MILR1: variants seen among roughly 807,000 people sequenced by gnomAD.
The protein encoded by MILR1 is mast cell immunoglobulin like receptor 1.
MILR1 carries 31 observed loss-of-function variants against 18.5 expected under a neutral mutation model. The ratio of observed to expected loss-of-function variants is 1.68; its 90% CI spans 1.26 to 2.26. The LOEUF (loss-of-function observed/expected upper bound fraction) is 2.26. Ranked by LOEUF, MILR1 falls within the 30% of genes most tolerant of loss-of-function variation. The pLI, the probability that MILR1 is intolerant of heterozygous loss-of-function variation, is 0.00. For missense variants in MILR1, 257 were observed against 157.4 expected (o/e 1.63, Z -3.38); for synonymous variants, 85 against 56.2 (o/e 1.51, Z -2.30).
chr17:64,481,222 A>G, the MILR1 span: 1 of 942,892 alleles, frequency 1.1e-6, no homozygotes, highest in Non-Finnish European at 1.3e-6. Context: ...CTAGCTTATA[A>G]GGGTATTAGG....
At chr17:64,488,414 C>T in the MILR1 span, among the ~76,000 whole-genome samples, 1 of 151,824 alleles carries the variant, frequency 6.6e-6, no homozygotes. Flanking sequence ...AATAAAAGAA[C>T]AAAATAATCT....
chr17:64,492,852 G>C, the MILR1 span: 29 of 1,610,754 alleles, frequency 1.8e-5, no homozygotes, highest in East Asian at 6.0e-4. Context: ...ACTGGTTTTT[G>C]ACTATTTAAA....
chr17:64,491,468 C>A, the MILR1 span: 1 of 1,088,638 alleles, frequency 9.2e-7, no homozygotes. Flanking sequence ...TGTGATTGTG[C>A]AACGGCAGTC....
chr17:64,451,685 G>A (rs1474979723), intron 2 of MILR1, among the ~76,000 whole-genome samples: 1 of 152,114 alleles, frequency 6.6e-6, no homozygotes, highest in East Asian at 1.9e-4. Flanking sequence ...TGTAATCCCG[G>A]CACTTTGGGA....
At chr17:64,477,503 A>C in the MILR1 span, among the ~76,000 whole-genome samples, 1 of 152,224 alleles carries the variant, frequency 6.6e-6, no homozygotes, top group Admixed American at 6.5e-5. Flanking sequence ...CCAGCGTACT[A>C]AACATGGCAG....
the MILR1 span, among the ~76,000 whole-genome samples, chr17:64,493,774 C>T: frequency 2.6e-5 from 4 of 152,278 alleles, no homozygotes; most frequent in African/African-American, 9.6e-5. Flanking sequence ...GCGTGAGCCA[C>T]CGCGCCCGAC....
chr17:64,452,528 C>T, intron 2 of MILR1, 69 bp from the exon 3 acceptor site: 1 of 411,744 alleles, frequency 2.4e-6, no homozygotes. Context: ...GCTGGGATTA[C>T]AGGCGTGAAC....
In MILR1 at chr17:64,458,112, T is replaced by TTTCC. The variant is rs1216586374; in HGVS notation, c.652+448_652+451dup. ...CATTTGTATGTCTGCCTTTCTTTCTTTTCCTTCCTTCCTTCCTTCCTTCTT... is the reference window on the plus strand; with the variant it reads ...CATTTGTATGTCTGCCTTTCTTTCTTTTCCTTCCTTCCTTCCTTCCTTCCTTCTT... On this transcript the variant is annotated intron_variant, in intron 4 of 9. Coordinates refer to ENST00000619286, the MANE Select transcript of MILR1 (RefSeq NM_001085423.2). Among the ~76,000 whole-genome samples the TTTCC allele has an allele frequency of 6.8e-3, 1,020 of 150,952 alleles. 11 individuals carry two copies. The highest frequency in any genetic ancestry group is 0.023 in the African/African-American group (936 of 40,424).
intron 4 of MILR1, among the ~76,000 whole-genome samples, chr17:64,460,132 T>A: frequency 6.6e-6 from 1 of 151,344 alleles, no homozygotes; most frequent in East Asian, 1.9e-4. Context: ...TTCAAGCGAT[T>A]CTCATGCCTC....
chr17:64,470,729 C>T (rs1469133909), downstream of MILR1, among the ~76,000 whole-genome samples: 2 of 152,204 alleles, frequency 1.3e-5, no homozygotes, highest in Non-Finnish European at 2.9e-5. Context: ...GCTTTCAGCA[C>T]AGCCTTCCAG....
the MILR1 span, chr17:64,481,501 T>C: frequency 1.7e-6 from 1 of 574,130 alleles, no homozygotes; most frequent in Non-Finnish European, 2.2e-6. Context: ...ATTTAATCAT[T>C]AGAACAAATT....
At chr17:64,461,171 T>G (rs1402559441) in intron 5 of MILR1, among the ~76,000 whole-genome samples, 2 of 152,160 alleles carry the variant, frequency 1.3e-5, no homozygotes, top group Non-Finnish European at 2.9e-5. Context: ...CAGAGCTGGC[T>G]TCACAGACGT....
intron 4 of MILR1, among the ~76,000 whole-genome samples, chr17:64,460,088 C>T (rs1198702040): frequency 6.6e-6 from 1 of 150,998 alleles, no homozygotes; most frequent in Non-Finnish European, 1.5e-5. Flanking sequence ...TGCAATGGCA[C>T]GATCTCGGCT....
Position 64,452,384 on chromosome 17 carries a change from G to T in MILR1, c.98-213G>T, listed in dbSNP as rs893956576. Among the ~76,000 whole-genome samples the T allele has an allele frequency of 4.3e-3, 647 of 152,170 alleles. 8 individuals are homozygous for T. The highest frequency in any genetic ancestry group is 0.015 in the African/African-American group (623 of 41,512). On this transcript the variant is annotated intron_variant, in intron 2 of 9. Transcript: ENST00000619286. ...TTCTCCTGCCTCAGCCTCCTGAGTA[G>T]CTGGGATTACAGGTGCCCACCACCA...
intron 2 of MILR1, among the ~76,000 whole-genome samples, chr17:64,450,717 C>T (rs1305781742): frequency 6.6e-6 from 1 of 151,886 alleles, no homozygotes; most frequent in Non-Finnish European, 1.5e-5. Context: ...CTCTTGACCT[C>T]GTGATCCTCC....
the MILR1 span, among the ~76,000 whole-genome samples, chr17:64,477,080 C>T: frequency 6.6e-5 from 10 of 152,122 alleles, no homozygotes; most frequent in South Asian, 4.1e-4. Context: ...TTCAAAAATC[C>T]GTAAATACTC....
chr17:64,464,074 G>T (rs1483084439), intron 5 of MILR1, among the ~76,000 whole-genome samples: 1 of 151,106 alleles, frequency 6.6e-6, no homozygotes, highest in Non-Finnish European at 1.5e-5. Flanking sequence ...CGCCCACCGC[G>T]GCCTCCCAAA....
the MILR1 span, among the ~76,000 whole-genome samples, chr17:64,495,095 G>A: frequency 1.3e-5 from 2 of 149,938 alleles, no homozygotes; most frequent in Non-Finnish European, 3.0e-5. Context: ...GGAGAATGGC[G>A]TGAACCTGGG....
chr17:64,467,272 A>ATTTTTTT, intron 8 of MILR1, among the ~76,000 whole-genome samples: 1 of 141,640 alleles, frequency 7.1e-6, no homozygotes. Context: ...TGTCTGACTA[A>ATTTTTTT]TTTTTTTTTT....
Sources: allele counts gnomAD v4.1 joint callset (sites outside exome capture counted in the v4.1 genomes callset), GRCh38; gene constraint gnomAD v4.1.1; transcripts MANE v1.5; gene names NCBI Gene and HGNC (gene_info 2026-07-23, HGNC 2026-07-21).